The following PDE3B variants were observed in gnomAD, a reference collection of about 807,000 sequenced individuals.
PDE3B encodes the protein phosphodiesterase 3B.
In PDE3B, 66 loss-of-function variants were observed where a neutral mutation model predicts 116.8. That is an observed-to-expected ratio of 0.56 (90% CI 0.46 to 0.69). PDE3B has a LOEUF of 0.69. Ranked by LOEUF, PDE3B falls within the 30% of genes least tolerant of loss-of-function variation. The pLI is 0.00. For synonymous variants in PDE3B, 595 were observed against 533.6 expected (o/e 1.12, Z -1.59); for missense variants, 1,384 against 1,368.1 (o/e 1.01, Z -0.18).
At chr11:14,754,974 G>C (rs891121078) in intron 1 of PDE3B, among the ~76,000 whole-genome samples, 6 of 152,086 alleles carry the variant, frequency 3.9e-5, no homozygotes, top group Non-Finnish European at 7.4e-5. Flanking sequence ...TTGAGCTCAG[G>C]ACTGAGATTG....
chr11:14,891,602 G>A, the PDE3B span: 5 of 1,058,954 alleles, frequency 4.7e-6, no homozygotes, highest in East Asian at 9.0e-5. Context: ...ACAGAGCTGC[G>A]AGGCCGACTC....
At chr11:14,868,650 T>G (rs1848090443) in intron 15 of PDE3B, among the ~76,000 whole-genome samples, 1 of 152,174 alleles carries the variant, frequency 6.6e-6, no homozygotes, top group Non-Finnish European at 1.5e-5. Context: ...TATACCTACA[T>G]AAGTATTGTT....
In PDE3B at chr11:14,867,645, T is replaced by C. The variant is rs781950306; in HGVS notation, c.3026T>C (p.Leu1009Pro). 6.2e-7 allele frequency: 1 copy of C among 1,614,010 alleles called. No homozygotes were observed. Among genetic ancestry groups the C allele is most frequent in the African/African-American group, 1.3e-5 (1 of 74,932 alleles). ...LCNSYDAAGLLPGQWLEAEED... is the reference protein window; with the variant it reads ...LCNSYDAAGLPPGQWLEAEED... ...AACTCCTATGATGCTGCTGGTTTGC[T>C]ACCAGGTCAGTGGTTAGAAGCAGAA... The change falls in exon 15 of 16, where the codon CTA becomes CCA. Residue 1009 changes from leucine (L) to proline (P), a missense_variant. Leu to Pro is a moderately conservative substitution (Grantham distance 98, BLOSUM62 -3). Transcript: ENST00000282096.
intron 1 of PDE3B, chr11:14,673,458 A>G (rs1854434210): frequency 3.6e-6 from 1 of 274,542 alleles, no homozygotes; most frequent in Non-Finnish European, 7.6e-6. Flanking sequence ...TGTTTAAAAC[A>G]AAACAGAAAA....
intron 1 of PDE3B, among the ~76,000 whole-genome samples, chr11:14,679,332 C>T (rs1259331252): frequency 1.3e-5 from 2 of 151,738 alleles, no homozygotes; most frequent in African/African-American, 4.8e-5. Context: ...GCTCTTGAGC[C>T]CCTATGTGTG....
In PDE3B at chr11:14,673,619, T is replaced by C. The variant is rs1426593815; in HGVS notation, c.978+28566T>C. On this transcript the variant is annotated intron_variant, in intron 1 of 15. Transcript: ENST00000282096. Reference sequence around the variant, plus strand: ...CAGGACGGTTCTCAGGAGGAGCCACTTCATAATCTCTGGCACTAAACAAAG... The same window carrying C: ...CAGGACGGTTCTCAGGAGGAGCCACCTCATAATCTCTGGCACTAAACAAAG... 1.1e-5 allele frequency: 7 copies of C among 645,670 alleles called. No individual in the cohort carries two copies. The Admixed American group carries it at 1.3e-4, about 12-fold the overall frequency. The allele number at this position is 645,670 out of a possible 1,614,324, so 40.0% of individuals were successfully genotyped here.
At chr11:14,757,002 T>A (rs930819112) in intron 1 of PDE3B, among the ~76,000 whole-genome samples, 10 of 139,632 alleles carry the variant, frequency 7.2e-5, no homozygotes, top group Non-Finnish European at 1.2e-4. Context: ...CCTTCCTGTG[T>A]CCATGTGATC....
At chr11:14,669,730 C>T (rs931980542) in intron 1 of PDE3B, among the ~76,000 whole-genome samples, 1 of 151,568 alleles carries the variant, frequency 6.6e-6, no homozygotes, top group Non-Finnish European at 1.5e-5. Flanking sequence ...TCTGTCCTTG[C>T]GATAGCACTA....
chr11:14,832,723 T>A lies in PDE3B; in HGVS notation c.2096T>A (p.Val699Asp). 1 of 1,088,528 alleles carries A rather than the reference T, an allele frequency of 9.2e-7. No homozygotes were observed. Among genetic ancestry groups the A allele is most frequent in the East Asian group, 2.5e-5 (1 of 39,962 alleles). The allele number at this position is 1,088,528 out of a possible 1,614,324, so 67.4% of individuals were successfully genotyped here. A position where few individuals can be genotyped will look rare whatever the true frequency, so the allele number is the denominator to read the frequency against. The change falls in exon 10 of 16, where the codon GTT (valine) becomes GAT (aspartate). Residue 699 changes from valine (V) to aspartate (D), a missense_variant and splice_region_variant. By Grantham distance (152) the Val-to-Asp change is radical (BLOSUM62 -3). Around this residue, in one of 2 missense-constraint regions of PDE3B, gnomAD observed 428 missense variants for 561.4 expected, o/e 0.76. Transcript: ENST00000282096. ...AACTTTATTTTAATTGACATTTAGG[T>A]TATGTATACCTTATTTCAAGACACT... ...GEKSGRILSQ[V>D]MYTLFQDTGL... is the part of the protein sequence containing the mutation.
intron 1 of PDE3B, among the ~76,000 whole-genome samples, chr11:14,729,820 G>A (rs1856407076): frequency 2.6e-5 from 4 of 152,098 alleles, no homozygotes; most frequent in African/African-American, 9.7e-5. Context: ...AACAATGGAT[G>A]ACTAAAATGA....
At chr11:14,668,723 G>A (rs759048736) in intron 1 of PDE3B, among the ~76,000 whole-genome samples, 1 of 152,124 alleles carries the variant, frequency 6.6e-6, no homozygotes, top group Non-Finnish European at 1.5e-5. Context: ...CTTTATTCAA[G>A]AATTTGTAGT....
chr11:14,674,404 T>G, intron 1 of PDE3B: 1 of 673,136 alleles, frequency 1.5e-6, no homozygotes, highest in South Asian at 1.4e-5. Flanking sequence ...ATCCCAATTT[T>G]TATTCCAACC....
intron 1 of PDE3B, among the ~76,000 whole-genome samples, chr11:14,663,982 C>A (rs897874763): frequency 2.0e-5 from 3 of 152,082 alleles, no homozygotes; most frequent in African/African-American, 7.2e-5. Context: ...AGCACCACAC[C>A]ACACCTATTC....
At chr11:14,822,880 A>G (rs1410518168) in intron 7 of PDE3B, among the ~76,000 whole-genome samples, 1 of 152,212 alleles carries the variant, frequency 6.6e-6, no homozygotes, top group Non-Finnish European at 1.5e-5. Flanking sequence ...AGCCACTGGT[A>G]GCAGTGTTGA....
intron 5 of PDE3B, 130 bp from the exon 6 acceptor site, chr11:14,818,053 A>G (rs945393623): frequency 4.6e-6 from 3 of 646,462 alleles, no homozygotes; most frequent in African/African-American, 3.7e-5. Context: ...GCAGGAATTT[A>G]TAATTTATTT....
chr11:14,859,325 A>C (rs1297341507), intron 13 of PDE3B, 79 bp downstream of exon 13: 1 of 936,634 alleles, frequency 1.1e-6, no homozygotes, highest in African/African-American at 1.7e-5. Context: ...TTTAATGTTA[A>C]GTTAGAATTA....
chr11:14,888,370 A>C, the PDE3B span, among the ~76,000 whole-genome samples: 3 of 152,228 alleles, frequency 2.0e-5, no homozygotes, highest in Admixed American at 6.5e-5. Flanking sequence ...AGAGACATAC[A>C]TTTAAACATA....
intron 2 of PDE3B, chr11:14,774,459 A>G (rs1439450223): frequency 6.6e-6 from 1 of 152,118 alleles, no homozygotes; most frequent in African/African-American, 2.4e-5. Context: ...AGGAATGAGC[A>G]TTTTTTTCTT....
intron 4 of PDE3B, among the ~76,000 whole-genome samples, chr11:14,802,461 G>A (rs916239905): frequency 2.0e-5 from 3 of 152,074 alleles, no homozygotes; most frequent in Admixed American, 6.5e-5. Flanking sequence ...GCTTCAGCTC[G>A]CCGTCTTTGG....
Sources: allele counts gnomAD v4.1 joint callset (sites outside exome capture counted in the v4.1 genomes callset), GRCh38; gene constraint gnomAD v4.1.1; regional missense constraint gnomAD v4.1.1; transcripts MANE v1.5; gene names NCBI Gene and HGNC (gene_info 2026-07-23, HGNC 2026-07-21).